The following SMTN variants were observed in gnomAD, a reference collection of about 807,000 sequenced individuals.
The protein encoded by SMTN is smoothelin.
In SMTN, 58 loss-of-function variants were observed where a neutral mutation model predicts 102.0. That is an observed-to-expected ratio of 0.57 (90% CI 0.46 to 0.71). The LOEUF is 0.71. SMTN is among the 30% of genes least tolerant of loss of function. The pLI is 0.00. For synonymous variants in SMTN, 478 were observed against 497.9 expected (o/e 0.96, Z 0.53); for missense variants, 1,185 against 1,241.7 (o/e 0.95, Z 0.69).
intron 2 of SMTN, among the ~76,000 whole-genome samples, chr22:31,086,762 A>C (rs887260175): frequency 6.6e-6 from 1 of 152,174 alleles, no homozygotes; most frequent in East Asian, 1.9e-4. Context: ...TTCCTCAGGA[A>C]TGTGGAGCCT....
rs1418267355 is a variant in SMTN, at chr22:31,096,788, G to T, written c.1917G>T (p.Gly639=). ...TGCAGGAGGCACGGGGCCGGCCAGGGGAGGGGCGCGGCAACACAGCCACTG... is the reference window on the plus strand; with the variant it reads ...TGCAGGAGGCACGGGGCCGGCCAGGTGAGGGGCGCGGCAACACAGCCACTG... The part of the protein sequence containing the change: ...RRLQEARGRP[G]EGRGNTATET... The change falls in exon 14 of 21, where the codon GGG becomes GGT. Residue 639 remains glycine (G), a synonymous_variant. Transcript: ENST00000333137. The T allele has an allele frequency of 1.3e-6, 2 of 1,565,840 alleles. No individual in the cohort carries two copies. Among genetic ancestry groups the T allele is most frequent in the South Asian group, 2.4e-5 (2 of 83,214 alleles).
chr22:31,078,295 G>A (rs1279230875), upstream of SMTN, among the ~76,000 whole-genome samples: 4 of 152,194 alleles, frequency 2.6e-5, no homozygotes, highest in East Asian at 7.7e-4. Context: ...GGGTGACTTA[G>A]GGATGCAACA....
At chr22:31,101,363 G>A in intron 20 of SMTN, 1 of 278,204 alleles carries the variant, frequency 3.6e-6, no homozygotes, top group South Asian at 6.9e-5. Flanking sequence ...CAGGCTAAAG[G>A]AGGGAGAGGG....
chr22:31,096,995 C>A lies in SMTN; in HGVS notation c.2027-3C>A. ...ACATCCTTCTCATCCCCTGCCCCTG[C>A]AGATGATGGCACACGGACGGCCCGC... is the stretch of plus-strand genomic sequence containing the variant. On this transcript the variant is annotated splice_polypyrimidine_tract_variant and splice_region_variant and intron_variant, in intron 14 of 20. Transcript: ENST00000333137. The A allele has an allele frequency of 6.2e-7, 1 of 1,614,150 alleles. No individual in the cohort carries two copies. Among genetic ancestry groups the A allele is most frequent in the Non-Finnish European group, 8.5e-7 (1 of 1,179,994 alleles).
chr22:31,070,699 G>A (rs11705252), intron 1 of SMTN, among the ~76,000 whole-genome samples: 34,768 of 151,080 alleles, frequency 0.23, 5,204 homozygotes, highest in African/African-American at 0.43. Context: ...CCAGGTGGGT[G>A]GATCACTTGA....
At chr22:31,082,980 A>G in intron 1 of SMTN, 199 bp from the exon 2 acceptor site, 3 of 1,443,640 alleles carry the variant, frequency 2.1e-6, no homozygotes, top group Non-Finnish European at 2.9e-6. Context: ...GGCTGGAACC[A>G]GAGACCCCCT....
chr22:31,104,084 C>G, intron 20 of SMTN: 1 of 562,684 alleles, frequency 1.8e-6, no homozygotes, highest in Non-Finnish European at 3.2e-6. Context: ...ATGGGGCTCT[C>G]TTCTGCCATC....
At chr22:31,100,845 C>A (rs773636978) in intron 19 of SMTN, 40 bp from the exon 20 acceptor site, 1 of 828,574 alleles carries the variant, frequency 1.2e-6, no homozygotes, top group Non-Finnish European at 2.0e-6. Context: ...GGCCTCCTGC[C>A]CCCGTCCCCC....
At chr22:31,093,340 C>A (rs1602643608) in intron 11 of SMTN, 1 of 328,284 alleles carries the variant, frequency 3.0e-6, no homozygotes, top group East Asian at 8.9e-5. Flanking sequence ...AGGCCCGCTG[C>A]CCTTGCCTTT....
At position 31,091,053 on chromosome 22, in the gene SMTN, G is replaced by C; in HGVS notation, c.1030G>C (p.Ala344Pro). ...CAAGTTCACATCTGATTCTCCTATG[G>C]CTGCTAGGCTCCAGGATGGCACACC... ...VHKFTSDSPM[A>P]ARLQDGTPQA... The change falls in exon 10 of 21, where the codon GCT becomes CCT. Residue 344 changes from alanine to proline, a missense_variant. By Grantham distance (27) the Ala-to-Pro change is conservative. Coordinates refer to ENST00000333137, the MANE Select transcript of SMTN (RefSeq NM_134269.3). The C allele has an allele frequency of 6.2e-7, 1 of 1,613,998 alleles. No homozygotes were observed. The highest frequency in any genetic ancestry group is 8.5e-7 in the Non-Finnish European group (1 of 1,179,964).
In SMTN at chr22:31,091,303, A is replaced by G; in HGVS notation, c.1280A>G (p.Glu427Gly). The change falls in exon 10 of 21, where the codon GAA becomes GGA. Residue 427 changes from glutamate to glycine, a missense_variant. Physicochemically the swap from Glu to Gly is moderately conservative, Grantham distance 98. Coordinates refer to ENST00000333137, the MANE Select transcript of SMTN (RefSeq NM_134269.3). Reference protein sequence around the residue: ...RGRGLAARPLENRAGGPVARS... With the variant: ...RGRGLAARPLGNRAGGPVARS... ...CGGGGCTTGGCTGCTAGGCCCCTTGAAAACAGAGCAGGGGGGCCTGTGGCA... is the reference window on the plus strand; with the variant it reads ...CGGGGCTTGGCTGCTAGGCCCCTTGGAAACAGAGCAGGGGGGCCTGTGGCA... 6.2e-7 allele frequency: 1 copy of G among 1,602,220 alleles called. No homozygotes were observed. The highest frequency in any genetic ancestry group is 8.5e-7 in the Non-Finnish European group (1 of 1,175,646).
At chr22:31,073,522 T>G (rs1269362087) in intron 1 of SMTN, among the ~76,000 whole-genome samples, 1 of 152,150 alleles carries the variant, frequency 6.6e-6, no homozygotes, top group Non-Finnish European at 1.5e-5. Context: ...AGGAATAGAT[T>G]CCAGGGAAAG....
chr22:31,070,309 G>A (rs974824745), intron 1 of SMTN, among the ~76,000 whole-genome samples: 25 of 152,088 alleles, frequency 1.6e-4, no homozygotes, highest in African/African-American at 5.6e-4. Flanking sequence ...TTCTCATTTT[G>A]CACCAGGCCC....
intron 1 of SMTN, among the ~76,000 whole-genome samples, chr22:31,081,674 G>A (rs1393731907): frequency 6.6e-6 from 1 of 152,244 alleles, no homozygotes; most frequent in Non-Finnish European, 1.5e-5. Context: ...GTCTGTGGCG[G>A]CAGAAACCCT....
At chr22:31,101,127 G>A (rs2044056260) in intron 20 of SMTN, 78 bp downstream of exon 20, 9 of 1,361,566 alleles carry the variant, frequency 6.6e-6, no homozygotes, top group African/African-American at 1.4e-5. Flanking sequence ...CCAGGGAGGC[G>A]GGTGGGGGAA....
At chr22:31,065,004 C>CT (rs71202033) in intron 1 of SMTN, 48,144 of 152,004 alleles carry the variant, frequency 0.32, 8,354 homozygotes, top group South Asian at 0.46. Flanking sequence ...CAGCCTCTCG[C>CT]TTTTTTTCTC....
intron 2 of SMTN, chr22:31,084,909 G>A: frequency 1.5e-6 from 2 of 1,307,496 alleles, no homozygotes; most frequent in Non-Finnish European, 2.0e-6. Context: ...CTCGTGGCAA[G>A]AACGGGGGCG....
intron 13 of SMTN, 178 bp from the exon 14 acceptor site, chr22:31,096,555 T>A: frequency 1.8e-6 from 1 of 558,518 alleles, no homozygotes; most frequent in Non-Finnish European, 3.0e-6. Context: ...CCATTCCCTG[T>A]CAAGTTATGG....
chr22:31,080,676 G>A (rs1315213758), upstream of SMTN: 1 of 152,198 alleles, frequency 6.6e-6, no homozygotes, highest in Non-Finnish European at 1.5e-5. Context: ...CCCTATTTAG[G>A]ACTCCAGCGC....
Sources: gnomAD v4.1 joint callset for allele counts (sites outside exome capture counted in the v4.1 genomes callset) on GRCh38, gnomAD v4.1.1 for gene constraint, MANE v1.5 for transcripts, NCBI Gene and HGNC (gene_info 2026-07-23, HGNC 2026-07-21) for gene names.